Variants in THSD4 observed in about 807,000 individuals in gnomAD.
The protein encoded by THSD4 is thrombospondin type 1 domain containing 4, also known as thrombospondin type-1 domain-containing protein 4.
THSD4 carries 69 observed loss-of-function variants against 119.0 expected under a neutral mutation model. That is an observed-to-expected ratio of 0.58 (90% CI 0.48 to 0.71). THSD4 has a LOEUF of 0.71. THSD4 is among the 30% of genes least tolerant of loss of function. The probability of loss-of-function intolerance (pLI) is 0.00; values close to 1 mark genes in which losing one functional copy is unlikely to be tolerated. For synonymous variants in THSD4, 524 were observed against 540.4 expected, an observed-to-expected ratio of 0.97 and a Z score of 0.42; for missense variants, 1,393 against 1,391.1, an observed-to-expected ratio of 1.00 and a Z score of -0.02.
At chr15:71,174,730 G>A (rs867304298) in intron 3 of THSD4, among the ~76,000 whole-genome samples, 6 of 150,394 alleles carry the variant, frequency 4.0e-5, no homozygotes, top group South Asian at 2.1e-4. Context: ...GCAGACTTAA[G>A]TGTCCCTGTC....
intron 8 of THSD4, among the ~76,000 whole-genome samples, chr15:71,709,373 G>A (rs1440938906): frequency 2.0e-5 from 3 of 152,124 alleles, no homozygotes; most frequent in Non-Finnish European, 4.4e-5. Flanking sequence ...AAATCAAAGC[G>A]TTTTTATCAT....
At chr15:71,512,416 C>T (rs1464069997) in intron 7 of THSD4, among the ~76,000 whole-genome samples, 1 of 152,144 alleles carries the variant, frequency 6.6e-6, no homozygotes, top group East Asian at 1.9e-4. Flanking sequence ...TTTCCTGTGA[C>T]CCCTGCGTTT....
chr15:71,357,650 A>G (rs575935597), intron 6 of THSD4, among the ~76,000 whole-genome samples: 2 of 152,308 alleles, frequency 1.3e-5, no homozygotes, highest in East Asian at 3.9e-4. Flanking sequence ...TGTCTTGGGC[A>G]GAATCCAGCA....
intron 1 of THSD4, among the ~76,000 whole-genome samples, chr15:71,133,684 G>A (rs1042281156): frequency 3.3e-5 from 5 of 152,168 alleles, no homozygotes; most frequent in Non-Finnish European, 7.3e-5. Context: ...TTGATCTGCA[G>A]TATCATGTCA....
rs1358546603 is a variant in THSD4 at position 71,608,243 on chromosome 15, T to TACACAC, written c.1153-52286_1153-52285insCACACA. ...GTCTCAAAAAAAAAAAAAAAATATA[T>TACACAC]ATATATACACACACACACACACACA... On this transcript the variant is annotated intron_variant, in intron 7 of 17. Transcript: ENST00000261862. Among the ~76,000 whole-genome samples the TACACAC allele has an allele frequency of 1.7e-3, 142 of 82,746 alleles. 2 individuals carry two copies. Among genetic ancestry groups the TACACAC allele is most frequent in the African/African-American group, 4.2e-3 (115 of 27,598 alleles). 54.3% of individuals were successfully genotyped at this position (82,746 alleles called of 152,430 possible).
At chr15:71,192,224 C>G (rs2043678309) in intron 3 of THSD4, among the ~76,000 whole-genome samples, 1 of 151,802 alleles carries the variant, frequency 6.6e-6, no homozygotes, top group South Asian at 2.1e-4. Context: ...CCAAACTGTC[C>G]AAATTCCAAA....
intron 2 of THSD4, among the ~76,000 whole-genome samples, chr15:71,146,256 C>T (rs28572722): frequency 0.012 from 1,751 of 152,256 alleles, 38 homozygotes; most frequent in African/African-American, 0.04. Context: ...CTCATGAACC[C>T]GATTGTCTTT....
chr15:71,582,019 G>A (rs1225576838), intron 7 of THSD4, among the ~76,000 whole-genome samples: 1 of 151,956 alleles, frequency 6.6e-6, no homozygotes, highest in African/African-American at 2.4e-5. Context: ...TTGAATTTTA[G>A]GATTGTTTTT....
At chr15:71,774,346 A>G (rs2053877335) in intron 17 of THSD4, among the ~76,000 whole-genome samples, 1 of 151,946 alleles carries the variant, frequency 6.6e-6, no homozygotes, top group South Asian at 2.1e-4. Context: ...GGCTGAAGAA[A>G]TGCTCAAGCT....
chr15:71,224,451 A>G (rs1467552110), intron 4 of THSD4, among the ~76,000 whole-genome samples: 1 of 152,230 alleles, frequency 6.6e-6, no homozygotes, highest in Non-Finnish European at 1.5e-5. Flanking sequence ...CTGTTTGGCT[A>G]TGCCATCTAC....
chr15:71,183,591 G>T (rs1398389411), intron 3 of THSD4, among the ~76,000 whole-genome samples: 3 of 151,648 alleles, frequency 2.0e-5, no homozygotes, highest in Non-Finnish European at 4.4e-5. Context: ...TACTATATAG[G>T]TGGTGGTGTT....
Position 71,728,452 on chromosome 15 carries a change from C to T in THSD4, c.1358-97C>T, listed in dbSNP as rs576363619. ...GGCACATAGTGGATCCTGTCAAAAA[C>T]CTTGATGAATGAAGAAGCCAGAAAC... is the stretch of plus-strand genomic sequence containing the variant. On this transcript the variant is annotated intron_variant, in intron 8 of 17. Coordinates refer to ENST00000261862, the MANE Select transcript of THSD4 (RefSeq NM_024817.3). The T allele has an allele frequency of 2.1e-6, 3 of 1,451,524 alleles. No individual in the cohort carries two copies. In the African/African-American group the frequency reaches 4.2e-5, roughly 20 times the overall value. The allele number at this position is 1,451,524 out of a possible 1,614,324, so 89.9% of individuals were successfully genotyped here.
intron 7 of THSD4, among the ~76,000 whole-genome samples, chr15:71,431,964 C>T (rs937909411): frequency 6.6e-5 from 10 of 151,984 alleles, no homozygotes; most frequent in Admixed American, 3.9e-4. Flanking sequence ...ATTCAGAAGT[C>T]AATGGTGGAT....
intron 6 of THSD4, among the ~76,000 whole-genome samples, chr15:71,302,287 T>G (rs2044961504): frequency 6.6e-6 from 1 of 152,038 alleles, no homozygotes; most frequent in African/African-American, 2.4e-5. Flanking sequence ...AGAGCAAGGC[T>G]GAGACCCAAA....
intron 7 of THSD4, among the ~76,000 whole-genome samples, chr15:71,413,993 T>A (rs1355703994): frequency 6.6e-6 from 1 of 152,246 alleles, no homozygotes; most frequent in Non-Finnish European, 1.5e-5. Flanking sequence ...TTTCATTTCC[T>A]GAATACAGGT....
At chr15:71,764,741 T>C (rs1331408047) in intron 15 of THSD4, among the ~76,000 whole-genome samples, 2 of 151,776 alleles carry the variant, frequency 1.3e-5, no homozygotes, top group Admixed American at 1.3e-4. Flanking sequence ...TATGGTAAAC[T>C]GTTTCCCTCT....
At chr15:71,722,760 T>G (rs77889111) in intron 8 of THSD4, among the ~76,000 whole-genome samples, 1 of 152,246 alleles carries the variant, frequency 6.6e-6, no homozygotes, top group African/African-American at 2.4e-5. Flanking sequence ...AATGTCTCCC[T>G]TCTTATCTCC....
At chr15:71,398,280 G>A (rs1479741588) in intron 6 of THSD4, among the ~76,000 whole-genome samples, 4 of 152,190 alleles carry the variant, frequency 2.6e-5, no homozygotes, top group African/African-American at 7.2e-5. Context: ...ATTTGGGGAA[G>A]AGGTGATGGT....
At chr15:71,209,714 T>C (rs994857962) in intron 3 of THSD4, among the ~76,000 whole-genome samples, 2 of 152,198 alleles carry the variant, frequency 1.3e-5, no homozygotes, top group African/African-American at 4.8e-5. Flanking sequence ...GGTGATATGG[T>C]TGTGTCCCCA....
Sources: gnomAD v4.1 joint callset for allele counts (sites outside exome capture counted in the v4.1 genomes callset) on GRCh38, gnomAD v4.1.1 for gene constraint, MANE v1.5 for transcripts, NCBI Gene and HGNC (gene_info 2026-07-23, HGNC 2026-07-21) for gene names.